Variants in ESYT2 observed in about 807,000 individuals in gnomAD.
ESYT2 encodes the protein extended synaptotagmin-2.
A neutral mutation model predicts 107.2 loss-of-function variants in ESYT2; 54 were observed. The ratio of observed to expected loss-of-function variants is 0.50; its 90% CI spans 0.40 to 0.63. The LOEUF is 0.63. ESYT2 is among the 30% of genes least tolerant of loss of function. ESYT2 has a pLI of 0.00. For synonymous variants in ESYT2, 491 were observed against 434.1 expected (o/e 1.13, Z -1.63); for missense variants, 1,020 against 1,094.5 (o/e 0.93, Z 0.96).
At chr7:158,749,602 C>G in intron 15 of ESYT2, 47 bp downstream of exon 15, 1 of 1,579,740 alleles carries the variant, frequency 6.3e-7, no homozygotes, top group Non-Finnish European at 8.7e-7. Flanking sequence ...ACACGGACAG[C>G]GCCCGCACGA....
At chr7:158,794,440 G>C (rs906156554) in intron 3 of ESYT2, among the ~76,000 whole-genome samples, 2 of 152,232 alleles carry the variant, frequency 1.3e-5, no homozygotes, top group East Asian at 3.8e-4. Flanking sequence ...GCTGCAGTGA[G>C]CTATGATTGT....
At chr7:158,824,829 TATTAATCTCTATAA>T (rs1385210098) in intron 1 of ESYT2, among the ~76,000 whole-genome samples, 1 of 152,172 alleles carries the variant, frequency 6.6e-6, no homozygotes, top group Non-Finnish European at 1.5e-5. Flanking sequence ...AAATTGCCCT[TATTAATCTCTATAA>T]AAACTCTTCA....
At chr7:158,777,755 T>C (rs1433236085) in intron 6 of ESYT2, among the ~76,000 whole-genome samples, 3 of 152,210 alleles carry the variant, frequency 2.0e-5, no homozygotes, top group Non-Finnish European at 4.4e-5. Context: ...TGTGAGAATG[T>C]ACTAATCCGC....
Position 158,759,567 on chromosome 7 carries a change from G to T in ESYT2, c.1338C>A (p.Ile446=), listed in dbSNP as rs746872614. 1.4e-5 allele frequency: 22 copies of T among 1,611,534 alleles called. No individual in the cohort carries two copies. In the Admixed American group the frequency reaches 3.5e-4, roughly 26 times the overall value. The stretch of plus-strand genomic sequence containing the variant: ...CGTTGGCTTGGTCTTTGTCAGCTTT[G>T]ATGTCTGTTAGCACCTAAAAGGAAA... ...ASNLDKVLTD[I]KADKDQANDG... is the part of the protein sequence containing the mutation. The change falls in exon 13 of 23, where the codon ATC becomes ATA. Residue 446 remains isoleucine (I), a synonymous_variant. Transcript: ENST00000275418.
intron 6 of ESYT2, among the ~76,000 whole-genome samples, chr7:158,775,554 C>T (rs977880316): frequency 2.0e-5 from 3 of 152,238 alleles, no homozygotes; most frequent in South Asian, 2.1e-4. Flanking sequence ...CTCAGGAAAC[C>T]ACTTTCTTTG....
intron 13 of ESYT2, 48 bp from the exon 14 acceptor site, chr7:158,752,891 C>T (rs756387127): frequency 1.4e-4 from 169 of 1,194,520 alleles, no homozygotes; most frequent in Non-Finnish European, 1.8e-4. Context: ...ATAAAACATG[C>T]AATGAAGTTT....
In ESYT2 at chr7:158,829,412, C is replaced by T. The variant is rs1399670177; in HGVS notation, c.7G>A (p.Gly3Ser). Residue 3 changes from glycine (G) to serine (S), a missense_variant, in exon 1 of 23, where the codon GGC becomes AGC. Coordinates refer to ENST00000275418, the MANE Select transcript of ESYT2 (RefSeq NM_001367773.1). ...GCCTCCGGGCCCTCGCCCCGGGCGCCGCTCATCGCCCCGCAGTGCCGCGCT... is the reference window on the plus strand; with the variant it reads ...GCCTCCGGGCCCTCGCCCCGGGCGCTGCTCATCGCCCCGCAGTGCCGCGCT... Reference protein sequence around the residue: MSGARGEGPEAGA... With the variant: MSSARGEGPEAGA... 8.4e-7 allele frequency: 1 copy of T among 1,196,318 alleles called. No individual in the cohort carries two copies. The highest frequency in any genetic ancestry group is 1.0e-6 in the Non-Finnish European group (1 of 970,738). The allele number at this position is 1,196,318 out of a possible 1,614,324, so 74.1% of individuals were successfully genotyped here.
At chr7:158,736,055 G>A (rs1836932997) in intron 20 of ESYT2, among the ~76,000 whole-genome samples, 1 of 152,224 alleles carries the variant, frequency 6.6e-6, no homozygotes, top group Non-Finnish European at 1.5e-5. Context: ...TTCGCAGGAG[G>A]GAGAAGGCCT....
intron 1 of ESYT2, among the ~76,000 whole-genome samples, chr7:158,804,335 C>G (rs1240586884): frequency 7.9e-6 from 1 of 126,376 alleles, no homozygotes; most frequent in Admixed American, 7.8e-5. Flanking sequence ...CCCAAACCGC[C>G]GAGAAGGGTG....
intron 1 of ESYT2, among the ~76,000 whole-genome samples, chr7:158,800,750 A>G (rs1228997957): frequency 7.1e-6 from 1 of 140,854 alleles, no homozygotes; most frequent in African/African-American, 2.7e-5. Flanking sequence ...TTTTTTTGAG[A>G]CAGACTCTCC....
chr7:158,792,055 T>C (rs1222559972), intron 4 of ESYT2, among the ~76,000 whole-genome samples: 1 of 152,190 alleles, frequency 6.6e-6, no homozygotes, highest in Non-Finnish European at 1.5e-5. Flanking sequence ...TCCTTCATTT[T>C]CTTTTGGGAT....
intron 1 of ESYT2, among the ~76,000 whole-genome samples, chr7:158,826,484 TGAAAA>T (rs774056981): frequency 3.0e-4 from 45 of 152,142 alleles, no homozygotes; most frequent in East Asian, 3.9e-4. Flanking sequence ...ATTAAAAACT[TGAAAA>T]GAATCTTTGG....
chr7:158,757,265 G>C (rs1837790105), intron 13 of ESYT2, among the ~76,000 whole-genome samples: 1 of 152,248 alleles, frequency 6.6e-6, no homozygotes, highest in African/African-American at 2.4e-5. Flanking sequence ...AACTGCATTA[G>C]AAGTTCCAGT....
At chr7:158,766,624 T>C (rs1838173752) in intron 8 of ESYT2, among the ~76,000 whole-genome samples, 1 of 152,212 alleles carries the variant, frequency 6.6e-6, no homozygotes, top group South Asian at 2.1e-4. Flanking sequence ...GCACCATTAT[T>C]TAGATCTAAT....
rs774018670 is a variant in ESYT2 at position 158,743,548 on chromosome 7, T to G, written c.1775A>C (p.Lys592Thr). 1 of 1,611,836 alleles carries G rather than the reference T, an allele frequency of 6.2e-7. No homozygotes were observed. The highest frequency in any genetic ancestry group is 8.5e-7 in the Non-Finnish European group (1 of 1,179,270). The change falls in exon 17 of 23, where the codon AAG (lysine) becomes ACG (threonine). Residue 592 changes from lysine (K) to threonine (T), a missense_variant. Physicochemically the swap from Lys to Thr is moderately conservative, Grantham distance 78. Coordinates refer to ENST00000275418, the MANE Select transcript of ESYT2 (RefSeq NM_001367773.1). ...LSNSGPNSTIKMKIALRVLHL... is the reference protein window; with the variant it reads ...LSNSGPNSTITMKIALRVLHL... Reference sequence around the variant, plus strand: ...CGATACCCGCAGGGCAATCTTCATCTTGATGGTGCTGTTTGGACCCGAGTT... The same window carrying G: ...CGATACCCGCAGGGCAATCTTCATCGTGATGGTGCTGTTTGGACCCGAGTT...
intron 13 of ESYT2, among the ~76,000 whole-genome samples, chr7:158,754,489 G>A (rs1837686832): frequency 6.6e-6 from 1 of 152,048 alleles, no homozygotes; most frequent in African/African-American, 2.4e-5. Context: ...GGGATTACAG[G>A]CATGAGCCAC....
intron 7 of ESYT2, among the ~76,000 whole-genome samples, chr7:158,768,657 A>T (rs1162440683): frequency 6.6e-6 from 1 of 152,212 alleles, no homozygotes. Flanking sequence ...ACCTCAGGTG[A>T]CCCACCCACC....
intron 15 of ESYT2, among the ~76,000 whole-genome samples, chr7:158,748,576 G>A (rs556808157): frequency 9.2e-5 from 14 of 152,226 alleles, no homozygotes; most frequent in African/African-American, 3.1e-4. Flanking sequence ...GCCTGGCCTC[G>A]GTTCTGTAAT....
At position 158,760,056 on chromosome 7, in the gene ESYT2, A is replaced by G; in HGVS notation, c.1323+2T>C. ...TTTCAAGAGCACATGCTTCAACAGCACCTTGTCGAGGTTTGACGCATTTGG... is the reference window on the plus strand; with the variant it reads ...TTTCAAGAGCACATGCTTCAACAGCGCCTTGTCGAGGTTTGACGCATTTGG... On this transcript the variant is annotated splice_donor_variant, in intron 12 of 22. Transcript: ENST00000275418. LOFTEE classifies it high-confidence loss of function. The G allele has an allele frequency of 1.2e-6, 2 of 1,614,122 alleles. No homozygotes were observed. Among genetic ancestry groups the G allele is most frequent in the Non-Finnish European group, 1.7e-6 (2 of 1,179,966 alleles).
Sources: allele counts gnomAD v4.1 joint callset (sites outside exome capture counted in the v4.1 genomes callset), GRCh38; gene constraint gnomAD v4.1.1; transcripts MANE v1.5; gene names NCBI Gene and HGNC (gene_info 2026-07-23, HGNC 2026-07-21).